CDC23: variants seen among roughly 807,000 people sequenced by gnomAD.
The protein encoded by CDC23 is cell division cycle protein 23 homolog.
Under a neutral mutation model 81.7 loss-of-function variants are expected in CDC23, and 26 were observed. That is an observed-to-expected ratio of 0.32 (90% CI 0.23 to 0.44). CDC23 has a LOEUF of 0.44. Among genes scored for constraint, CDC23 ranks in the 20% least tolerant of loss-of-function variants. The pLI is 1.00. For synonymous variants in CDC23, 267 were observed against 270.8 expected (o/e 0.99, Z 0.14); for missense variants, 519 against 728.0 (o/e 0.71, Z 3.30).
rs1251724900 is a variant in CDC23 at position 138,198,682 on chromosome 5, T to C, written c.755A>G (p.Gln252Arg). Reference protein sequence around the residue: ...QLIEEALQKYQNLIDVGFSKS... With the variant: ...QLIEEALQKYRNLIDVGFSKS... ...AGAGAAGCCCACATCAATGAGATTC[T>C]GATACTTTTGCAGGGCCTCCTCTAT... The change falls in exon 7 of 16, where the codon CAG becomes CGG. Residue 252 changes from glutamine to arginine, a missense_variant. Physicochemically the swap from Gln to Arg is conservative, Grantham distance 43. Coordinates refer to ENST00000394886, the MANE Select transcript of CDC23 (RefSeq NM_004661.4). 6.2e-7 allele frequency: 1 copy of C among 1,614,054 alleles called. No individual in the cohort carries two copies. Among genetic ancestry groups the C allele is most frequent in the African/African-American group, 1.3e-5 (1 of 74,940 alleles).
Position 138,213,286 on chromosome 5 carries a change from C to T in CDC23, c.27G>A (p.Pro9=), listed in dbSNP as rs753604939. 36 of 1,613,928 alleles carry T rather than the reference C, an allele frequency of 2.2e-5. No individual in the cohort carries two copies. The highest frequency in any genetic ancestry group is 3.0e-5 in the Non-Finnish European group (35 of 1,180,034). ...GCGCCACTGCCGCCGTCACAGCCACCGGGACCATGGAGGTACTCGCAGCCA... is the reference window on the plus strand; with the variant it reads ...GCGCCACTGCCGCCGTCACAGCCACTGGGACCATGGAGGTACTCGCAGCCA... MAASTSMV[P]VAVTAAVAPV... Residue 9 remains proline, a synonymous_variant, in exon 1 of 16, where the codon CCG becomes CCA. Transcript: ENST00000394886.
chr5:138,190,244 G>A (rs765292823), intron 13 of CDC23: 27 of 225,294 alleles, frequency 1.2e-4, no homozygotes, highest in Non-Finnish European at 2.0e-4. Context: ...GATCACTTGA[G>A]GTCAGGAGTT....
chr5:138,191,480 A>T lies in CDC23; in HGVS notation c.1418T>A (p.Leu473Gln). 1 of 1,614,056 alleles carries T rather than the reference A, an allele frequency of 6.2e-7. No individual in the cohort carries two copies. The highest frequency in any genetic ancestry group is 1.7e-5 in the Admixed American group (1 of 60,026). Residue 473 changes from leucine to glutamine, a missense_variant, in exon 13 of 16, where the codon CTG (leucine) becomes CAG (glutamine). This residue lies in a region of CDC23 where 175 missense variants were observed against 337.8 expected (regional missense o/e 0.52). Transcript: ENST00000394886. ...GDVEKMALVK[L>Q]AKLHEQLTES... ...TTTCACTCCTTTCACTCACTTTGCCAGTTTCACCAGAGCCATTTTCTCCAC... is the reference window on the plus strand; with the variant it reads ...TTTCACTCCTTTCACTCACTTTGCCTGTTTCACCAGAGCCATTTTCTCCAC...
At chr5:138,208,741 A>C (rs570172739) in intron 2 of CDC23, among the ~76,000 whole-genome samples, 4 of 152,294 alleles carry the variant, frequency 2.6e-5, no homozygotes, top group Admixed American at 2.0e-4. Flanking sequence ...AGAATCTGGA[A>C]TGTTCTACTG....
intron 6 of CDC23, among the ~76,000 whole-genome samples, chr5:138,200,197 T>C (rs1351914537): frequency 6.6e-6 from 1 of 152,186 alleles, no homozygotes; most frequent in African/African-American, 2.4e-5. Flanking sequence ...AATAGCACCA[T>C]CAGGGCTCAC....
rs1342542723 is a variant in CDC23 at position 138,195,167 on chromosome 5, G to A, written c.1013-2510C>T. On this transcript the variant is annotated intron_variant, in intron 9 of 15. Coordinates refer to ENST00000394886, the MANE Select transcript of CDC23 (RefSeq NM_004661.4). ...AGTATGTATATAATATCCTATTTTT[G>A]TAAAGCAAGCAGCCCATTAAACCTT... Among the ~76,000 whole-genome samples the A allele has an allele frequency of 1.3e-5, 2 of 151,768 alleles. 1 individual carries two copies.
chr5:138,190,071 G>A lies in CDC23; in HGVS notation c.1425-165C>T, dbSNP rs769114928. On this transcript the variant is annotated intron_variant, in intron 13 of 15. Coordinates refer to ENST00000394886, the MANE Select transcript of CDC23 (RefSeq NM_004661.4). ...AATAGTATTAGATGTGATAGTTACT[G>A]TTATCAAAGCTTAGAATCATTACTC... 20 of 616,944 alleles carry A rather than the reference G, an allele frequency of 3.2e-5. 1 individual carries two copies. The highest frequency in any genetic ancestry group is 8.8e-5 in the Admixed American group (3 of 34,118). The allele number at this position is 616,944 out of a possible 1,614,324, so 38.2% of individuals were successfully genotyped here. A position where few individuals can be genotyped will look rare whatever the true frequency, so the allele number is the denominator to read the frequency against.
At position 138,206,575 on chromosome 5, in the gene CDC23, T is replaced by C. The variant is rs756391105; in HGVS notation, c.344A>G (p.Tyr115Cys). Residue 115 changes from tyrosine (Y) to cysteine (C), a missense_variant, in exon 3 of 16, where the codon TAT (tyrosine) becomes TGT (cysteine). Coordinates refer to ENST00000394886, the MANE Select transcript of CDC23 (RefSeq NM_004661.4). ...FLHGCNSKKAYFLYMYSRYLS... is the reference protein window; with the variant it reads ...FLHGCNSKKACFLYMYSRYLS... ...ATATCTGGAATACATATACAGAAAA[T>C]AGGCTTTCTTGCTATTGCAGCCATG... The C allele has an allele frequency of 3.7e-6, 6 of 1,613,940 alleles. No individual in the cohort carries two copies. Among genetic ancestry groups the C allele is most frequent in the African/African-American group, 2.7e-5 (2 of 74,900 alleles).
chr5:138,207,506 C>T (rs1561637632), intron 2 of CDC23, among the ~76,000 whole-genome samples: 1 of 152,178 alleles, frequency 6.6e-6, no homozygotes, highest in Non-Finnish European at 1.5e-5. Context: ...ATTCCTTCTC[C>T]TGTCTTTTAC....
intron 13 of CDC23, among the ~76,000 whole-genome samples, chr5:138,190,812 T>G (rs1472533233): frequency 6.6e-6 from 1 of 151,204 alleles, no homozygotes; most frequent in African/African-American, 2.4e-5. Context: ...CTAATCTGGC[T>G]GAGACCAATG....
At chr5:138,210,385 G>C (rs772428520) in intron 2 of CDC23, among the ~76,000 whole-genome samples, 6 of 151,940 alleles carry the variant, frequency 3.9e-5, no homozygotes, top group Non-Finnish European at 5.9e-5. Flanking sequence ...AATTAGCTGG[G>C]TGTGGTGGCA....
At position 138,192,381 on chromosome 5, in the gene CDC23, T is replaced by A. The variant is rs760513056; in HGVS notation, c.1174A>T (p.Ile392Phe). 2 of 1,614,200 alleles carry A rather than the reference T, an allele frequency of 1.2e-6. No homozygotes were observed. ...SAAIQAYRHA[I>F]EVNKRDYRAW... ...CTGTAGTCCCGTTTGTTGACCTCAA[T>A]GGCATGTCTAAGAAATGGAAAAGAC... The change falls in exon 11 of 16, where the codon ATT (isoleucine) becomes TTT (phenylalanine). Residue 392 changes from isoleucine to phenylalanine, a missense_variant. Coordinates refer to ENST00000394886, the MANE Select transcript of CDC23 (RefSeq NM_004661.4).
At chr5:138,189,978 CA>C (rs941650121) in intron 13 of CDC23, 72 bp from the exon 14 acceptor site, 36 of 1,314,856 alleles carry the variant, frequency 2.7e-5, no homozygotes, top group Non-Finnish European at 3.5e-5. Flanking sequence ...AGTAAAAGTA[CA>C]TAAGACCAAA....
intron 8 of CDC23, 46 bp downstream of exon 8, chr5:138,198,380 G>C: frequency 6.3e-7 from 1 of 1,593,660 alleles, no homozygotes; most frequent in Non-Finnish European, 8.6e-7. Context: ...ACCCAGATTA[G>C]TGCACAAAAG....
rs535758414 is a variant in CDC23 at position 138,210,448 on chromosome 5, C to A, written c.234+2543G>T. Reference sequence around the variant, plus strand: ...GGCTGAGGAAGGAGAATCCCTTGAACCTGGGAGGCAGAGGCTGCAGTGAGC... The same window carrying A: ...GGCTGAGGAAGGAGAATCCCTTGAAACTGGGAGGCAGAGGCTGCAGTGAGC... On this transcript the variant is annotated intron_variant, in intron 2 of 15. Coordinates refer to ENST00000394886, the MANE Select transcript of CDC23 (RefSeq NM_004661.4). Among the ~76,000 whole-genome samples, 6 of 152,252 alleles carry A rather than the reference C, an allele frequency of 3.9e-5. No homozygotes were observed. The South Asian group carries it at 8.3e-4, about 21-fold the overall frequency.
At chr5:138,197,465 C>T (rs964619957) in intron 9 of CDC23, among the ~76,000 whole-genome samples, 3 of 149,820 alleles carry the variant, frequency 2.0e-5, no homozygotes, top group Non-Finnish European at 4.4e-5. Flanking sequence ...GGCAAGCAAA[C>T]AATATAGACG....
At chr5:138,199,889 TA>T (rs1382120669) in intron 6 of CDC23, among the ~76,000 whole-genome samples, 1 of 152,130 alleles carries the variant, frequency 6.6e-6, no homozygotes, top group Non-Finnish European at 1.5e-5. Flanking sequence ...TTTAGTGACA[TA>T]AATCACTACT....
At chr5:138,209,823 C>CA (rs547832716) in intron 2 of CDC23, among the ~76,000 whole-genome samples, 2,747 of 118,714 alleles carry the variant, frequency 0.023, 77 homozygotes, top group African/African-American at 0.073. Flanking sequence ...AACTCCGTCT[C>CA]AAAAAAAAAA....
At chr5:138,209,503 T>G (rs562586481) in intron 2 of CDC23, among the ~76,000 whole-genome samples, 2 of 151,428 alleles carry the variant, frequency 1.3e-5, no homozygotes, top group Admixed American at 6.6e-5. Context: ...TTATATGACA[T>G]GCTTCTTTGG....
Sources: gnomAD v4.1 joint callset for allele counts (sites outside exome capture counted in the v4.1 genomes callset) on GRCh38, gnomAD v4.1.1 for gene constraint, gnomAD v4.1.1 regional missense constraint, MANE v1.5 for transcripts, NCBI Gene and HGNC (gene_info 2026-07-23, HGNC 2026-07-21) for gene names.